The following VASP variants were observed in gnomAD, a reference collection of about 807,000 sequenced individuals.
VASP encodes vasodilator stimulated phosphoprotein.
VASP carries 27 observed loss-of-function variants against 54.4 expected under a neutral mutation model. The ratio of observed to expected loss-of-function variants is 0.50; its 90% CI spans 0.37 to 0.68. VASP has a LOEUF of 0.68. Among genes scored for constraint, VASP ranks in the 30% least tolerant of loss-of-function variants. The pLI, the probability that VASP is intolerant of heterozygous loss-of-function variation, is 0.00. For synonymous variants in VASP, 233 were observed against 209.8 expected (o/e 1.11, Z -0.96); for missense variants, 488 against 528.3 (o/e 0.92, Z 0.75).
intron 3 of VASP, 26 bp from the exon 4 acceptor site, chr19:45,521,296 A>T: frequency 6.4e-7 from 1 of 1,552,046 alleles, no homozygotes; most frequent in Non-Finnish European, 8.7e-7. Flanking sequence ...GGACTGATCC[A>T]TGGCCCTTTC....
rs759466756 is a variant in VASP, at chr19:45,521,362, G to C, written c.384G>C (p.Ser128=). The part of the protein sequence containing the change: ...PPPPPALPTW[S]VPNGPSPEEV... ...CACCCCCAGCACTTCCCACCTGGTC[G>C]GTCCCGAACGGCCCCTCCCCGGAGG... The change falls in exon 4 of 13, where the codon TCG becomes TCC. Residue 128 remains serine, a synonymous_variant. Coordinates refer to ENST00000245932, the MANE Select transcript of VASP (RefSeq NM_003370.4). 9 of 1,581,956 alleles carry C rather than the reference G, an allele frequency of 5.7e-6. No individual in the cohort carries two copies. Among genetic ancestry groups the C allele is most frequent in the Non-Finnish European group, 6.9e-6 (8 of 1,164,138 alleles).
Position 45,517,786 on chromosome 19 carries a change from G to T in VASP, c.129G>T (p.Thr43=), listed in dbSNP as rs200633127. The change falls in exon 2 of 13, where the codon ACG becomes ACT. Residue 43 remains threonine (T), a synonymous_variant. Coordinates refer to ENST00000245932, the MANE Select transcript of VASP (RefSeq NM_003370.4). The part of the protein sequence containing the change: ...FSRVQIYHNP[T]ANSFRVVGRK... Reference sequence around the variant, plus strand: ...GCGTCCAGATCTACCACAACCCCACGGCCAATTCCTTTCGCGTCGTGGGCC... The same window carrying T: ...GCGTCCAGATCTACCACAACCCCACTGCCAATTCCTTTCGCGTCGTGGGCC... 6.2e-7 allele frequency: 1 copy of T among 1,613,832 alleles called. No homozygotes were observed. The highest frequency in any genetic ancestry group is 8.5e-7 in the Non-Finnish European group (1 of 1,180,024).
chr19:45,513,467 C>CTTTTT (rs1491123607), intron 1 of VASP, among the ~76,000 whole-genome samples: 3 of 114,808 alleles, frequency 2.6e-5, no homozygotes, highest in Non-Finnish European at 3.4e-5. Context: ...TAGTCTCTCT[C>CTTTTT]CTTTTTTTTT....
At chr19:45,523,349 T>A (rs2122340080) in intron 7 of VASP, among the ~76,000 whole-genome samples, 1 of 151,784 alleles carries the variant, frequency 6.6e-6, no homozygotes, top group Admixed American at 6.6e-5. Context: ...ATTACAGGCA[T>A]GAGTCACCAC....
chr19:45,520,193 G>A lies in VASP; in HGVS notation c.344-1129G>A, dbSNP rs1237637213. On this transcript the variant is annotated intron_variant, in intron 3 of 12. Transcript: ENST00000245932. ...CTGAGATTACAGGCGCGAGTCACGC[G>A]CCCAGCCCAGTTGCTATTTCTTAAA... 5.9e-5 allele frequency among the ~76,000 whole-genome samples: 9 copies of A among 152,014 alleles called. No individual in the cohort carries two copies. In the South Asian group the frequency reaches 6.2e-4, roughly 11 times the overall value.
rs1968955053 is a variant in VASP, at chr19:45,525,966, G to C, written c.1068G>C (p.Lys356Asn). Reference sequence around the variant, plus strand: ...TTTAGGAGCTTCTGGAAGAGGTGAAGAAGGAATTGCAGAAAGTGAAAGAGG... The same window carrying C: ...TTTAGGAGCTTCTGGAAGAGGTGAACAAGGAATTGCAGAAAGTGAAAGAGG... ...RVKQELLEEV[K>N]KELQKVKEEI... Residue 356 changes from lysine to asparagine, a missense_variant, in exon 12 of 13, where the codon AAG (lysine) becomes AAC (asparagine). This residue lies in a region of VASP where 126 missense variants were observed against 134.8 expected (regional missense o/e 0.94). Transcript: ENST00000245932. 6.2e-7 allele frequency: 1 copy of C among 1,614,124 alleles called. No individual in the cohort carries two copies. Among genetic ancestry groups the C allele is most frequent in the Non-Finnish European group, 8.5e-7 (1 of 1,180,014 alleles).
At position 45,522,569 on chromosome 19, in the gene VASP, GA is replaced by G. The variant is rs1968864641; in HGVS notation, c.711del (p.Val238SerfsTer30). ...CAGCTATTGCTGGAGCCAAACTCAGGAAAGTCAGCAAGGTGAGGGGCCGGGA... is the reference window on the plus strand; with the variant it reads ...CAGCTATTGCTGGAGCCAAACTCAGGAAGTCAGCAAGGTGAGGGGCCGGGA... ...AAAIAGAKLR[K>X]VSKQEEASGG... On this transcript the variant is annotated frameshift_variant, in exon 6 of 13. Coordinates refer to ENST00000245932, the MANE Select transcript of VASP (RefSeq NM_003370.4). LOFTEE classifies it high-confidence loss of function. The G allele has an allele frequency of 1.4e-6, 2 of 1,464,364 alleles. No individual in the cohort carries two copies. The highest frequency in any genetic ancestry group is 1.8e-6 in the Non-Finnish European group (2 of 1,114,066). 90.7% of individuals were successfully genotyped at this position (1,464,364 alleles called of 1,614,324 possible). A position where few individuals can be genotyped will look rare whatever the true frequency, so the allele number is the denominator to read the frequency against.
chr19:45,523,335 C>T (rs1485492952), intron 7 of VASP, among the ~76,000 whole-genome samples: 3 of 150,560 alleles, frequency 2.0e-5, no homozygotes, highest in Admixed American at 6.7e-5. Context: ...CCTAAGTAGC[C>T]GGGATTACAG....
chr19:45,516,314 GGC>G (rs1415238420), intron 1 of VASP, among the ~76,000 whole-genome samples: 5 of 152,250 alleles, frequency 3.3e-5, no homozygotes, highest in Non-Finnish European at 1.5e-5. Context: ...TCTGGGGAAT[GGC>G]CGCTAGTGCC....
intron 3 of VASP, among the ~76,000 whole-genome samples, chr19:45,520,417 G>A (rs1316966950): frequency 6.6e-6 from 1 of 152,210 alleles, no homozygotes; most frequent in Non-Finnish European, 1.5e-5. Context: ...AGAACTGAAA[G>A]TCACCAAATG....
rs373090551 is a variant in VASP, at chr19:45,522,829, G to A, written c.821+11G>A. 3.7e-6 allele frequency: 6 copies of A among 1,601,724 alleles called. No homozygotes were observed. The highest frequency in any genetic ancestry group is 5.1e-6 in the Non-Finnish European group (6 of 1,175,770). ...CATGCTGGCCCGGAGGTGAGCCTGA[G>A]CCTGGACCCCCAAGTCACCTGGAGT... is the stretch of plus-strand genomic sequence containing the variant. On this transcript the variant is annotated intron_variant, in intron 7 of 12. Coordinates refer to ENST00000245932, the MANE Select transcript of VASP (RefSeq NM_003370.4).
intron 4 of VASP, 40 bp from the exon 5 acceptor site, chr19:45,522,127 AG>A: frequency 6.2e-7 from 1 of 1,611,518 alleles, no homozygotes; most frequent in South Asian, 1.1e-5. Flanking sequence ...GGCCATCCTT[AG>A]GGCCCTGATT....
chr19:45,526,349 C>A lies in VASP; in HGVS notation c.*172C>A. ...GGGGTGTGGCTTCCCTGCTCACACC[C>A]ACACTGGCTGCTGATTGGCTGGGGA... On this transcript the variant is annotated 3_prime_UTR_variant, in exon 13 of 13. Transcript: ENST00000245932. 1.3e-6 allele frequency: 1 copy of A among 741,204 alleles called. No homozygotes were observed. The highest frequency in any genetic ancestry group is 2.0e-6 in the Non-Finnish European group (1 of 488,928). The allele number at this position is 741,204 out of a possible 1,614,324, so 45.9% of individuals were successfully genotyped here. A position where few individuals can be genotyped will look rare whatever the true frequency, so the allele number is the denominator to read the frequency against.
chr19:45,522,001 A>C (rs568284167), intron 4 of VASP, among the ~76,000 whole-genome samples, 167 bp from the exon 5 acceptor site: 2 of 151,506 alleles, frequency 1.3e-5, no homozygotes, highest in South Asian at 4.2e-4. Context: ...CATTCCCCCT[A>C]CTCTCACCCA....
chr19:45,507,875 G>A lies in VASP; in HGVS notation c.5+99G>A. Reference sequence around the variant, plus strand: ...CAGCTAGCTCCGGGCTGGAATTTGGGGACAGATCCTTGGGAGCCTCGGATT... The same window carrying A: ...CAGCTAGCTCCGGGCTGGAATTTGGAGACAGATCCTTGGGAGCCTCGGATT... On this transcript the variant is annotated intron_variant, in intron 1 of 12. Coordinates refer to ENST00000245932, the MANE Select transcript of VASP (RefSeq NM_003370.4). This position sits in a 1 kb window ranked among gnomAD's most constrained non-coding sequence, Gnocchi z 4.4. The A allele has an allele frequency of 1.3e-6, 1 of 748,636 alleles. No homozygotes were observed. 46.4% of individuals were successfully genotyped at this position (748,636 alleles called of 1,614,324 possible). A position where few individuals can be genotyped will look rare whatever the true frequency, so the allele number is the denominator to read the frequency against.
intron 1 of VASP, among the ~76,000 whole-genome samples, chr19:45,508,606 G>T (rs1599925931): frequency 6.6e-6 from 1 of 152,134 alleles, no homozygotes; most frequent in Non-Finnish European, 1.5e-5. Context: ...TGTCGAGACA[G>T]CTGGTGTGGG....
rs1466670061 is a variant in VASP, at chr19:45,507,849, C to G, written c.5+73C>G. On this transcript the variant is annotated intron_variant, in intron 1 of 12. Transcript: ENST00000245932. This position sits in a 1 kb window ranked among gnomAD's most constrained non-coding sequence, Gnocchi z 4.4. ...CGCCCCGCCTTTGTCCCCCTCCCCC[C>G]CAGCTAGCTCCGGGCTGGAATTTGG... The G allele has an allele frequency of 3.1e-5, 30 of 969,822 alleles. No individual in the cohort carries two copies. Among genetic ancestry groups the G allele is most frequent in the Admixed American group, 4.1e-5 (1 of 24,108 alleles). 60.1% of individuals were successfully genotyped at this position (969,822 alleles called of 1,614,324 possible).
chr19:45,521,038 A>G (rs1487366757), intron 3 of VASP, among the ~76,000 whole-genome samples: 2 of 152,084 alleles, frequency 1.3e-5, no homozygotes, highest in African/African-American at 2.4e-5. Flanking sequence ...TGCACATTCC[A>G]CCCTGGAGAA....
intron 1 of VASP, among the ~76,000 whole-genome samples, chr19:45,516,983 C>CAAAGA (rs1968715122): frequency 1.7e-5 from 1 of 57,868 alleles, no homozygotes; most frequent in Non-Finnish European, 3.3e-5. Flanking sequence ...GACTCTGTCT[C>CAAAGA]AAAAAAAAAA....
Sources: allele counts gnomAD v4.1 joint callset (sites outside exome capture counted in the v4.1 genomes callset), GRCh38; gene constraint gnomAD v4.1.1; regional missense constraint gnomAD v4.1.1; non-coding constraint Gnocchi (gnomAD v3.1); transcripts MANE v1.5; gene names NCBI Gene and HGNC (gene_info 2026-07-23, HGNC 2026-07-21).